The following ARFGEF2 variants were observed in gnomAD, a reference collection of about 807,000 sequenced individuals.
ARFGEF2 encodes ARF guanine nucleotide exchange factor 2, also known as brefeldin A-inhibited guanine nucleotide-exchange protein 2.
ARFGEF2 carries 74 observed loss-of-function variants against 219.9 expected under a neutral mutation model. That is an observed-to-expected ratio of 0.34 (90% CI 0.28 to 0.41). The LOEUF (loss-of-function observed/expected upper bound fraction) is 0.41, where lower values mean the gene tolerates loss of function less well. ARFGEF2 is among the 10% of genes least tolerant of loss of function. The pLI is 1.00. For synonymous variants in ARFGEF2, 733 were observed against 799.2 expected, an observed-to-expected ratio of 0.92 and a Z score of 1.40; for missense variants, 1,743 against 2,218.3, an observed-to-expected ratio of 0.79 and a Z score of 4.30.
Position 49,035,168 on chromosome 20 carries a change from G to T in ARFGEF2, c.*1969G>T, listed in dbSNP as rs144237181. 1.3e-5 allele frequency: 2 copies of T among 152,126 alleles called. No homozygotes were observed. The highest frequency in any genetic ancestry group is 2.9e-5 in the Non-Finnish European group (2 of 68,010). 9.4% of individuals were successfully genotyped at this position (152,126 alleles called of 1,614,324 possible). A position where few individuals can be genotyped will look rare whatever the true frequency, so the allele number is the denominator to read the frequency against. On this transcript the variant is annotated 3_prime_UTR_variant, in exon 39 of 39. Coordinates refer to ENST00000371917, the MANE Select transcript of ARFGEF2 (RefSeq NM_006420.3). ...TGTTCATTCATTAAGTCCATCTTGC[G>T]TGCAGCTATATCCCTGATTGGTTAT... is the stretch of plus-strand genomic sequence containing the variant.
chr20:48,968,377 T>C (rs1025926659), intron 8 of ARFGEF2, among the ~76,000 whole-genome samples: 3 of 152,080 alleles, frequency 2.0e-5, no homozygotes, highest in African/African-American at 7.2e-5. Flanking sequence ...ATACCTATAC[T>C]TTGTTACCCG....
chr20:48,921,773 G>A lies in ARFGEF2; in HGVS notation c.-117G>A. On this transcript the variant is annotated 5_prime_UTR_variant, in exon 1 of 39. Transcript: ENST00000371917. Reference sequence around the variant, plus strand: ...TGGGGCCGAGGTGTCGCTTCCTGACGGGGCGGCGCGGACGGACGCGGCCGG... The same window carrying A: ...TGGGGCCGAGGTGTCGCTTCCTGACAGGGCGGCGCGGACGGACGCGGCCGG... 1 of 1,088,872 alleles carries A rather than the reference G, an allele frequency of 9.2e-7. No individual in the cohort carries two copies. Among genetic ancestry groups the A allele is most frequent in the Non-Finnish European group, 1.1e-6 (1 of 877,012 alleles). 67.5% of individuals were successfully genotyped at this position (1,088,872 alleles called of 1,614,324 possible).
At chr20:48,948,967 A>G (rs2091048194) in intron 3 of ARFGEF2, among the ~76,000 whole-genome samples, 1 of 152,350 alleles carries the variant, frequency 6.6e-6, no homozygotes, top group East Asian at 1.9e-4. Flanking sequence ...CCTGGAGAAT[A>G]TAGACTCTAT....
intron 26 of ARFGEF2, among the ~76,000 whole-genome samples, chr20:49,008,168 A>G (rs1252259447): frequency 6.6e-6 from 1 of 152,250 alleles, no homozygotes; most frequent in Non-Finnish European, 1.5e-5. Flanking sequence ...TATGTCACAG[A>G]AAATAGTTTT....
In ARFGEF2 at chr20:49,036,019, TG is replaced by T. The variant is rs1381992142; in HGVS notation, c.*2821del. 1.0e-5 allele frequency: 4 copies of T among 396,722 alleles called. No homozygotes were observed. The highest frequency in any genetic ancestry group is 1.8e-5 in the Non-Finnish European group (4 of 225,434). The allele number at this position is 396,722 out of a possible 1,614,324, so 24.6% of individuals were successfully genotyped here. The stretch of plus-strand genomic sequence containing the variant: ...AAAAAAAAAAAACCTGTATTTTTTT[TG>T]TTGTTCTTTTGTGATTAAGGATATA... On this transcript the variant is annotated 3_prime_UTR_variant, in exon 39 of 39. Coordinates refer to ENST00000371917, the MANE Select transcript of ARFGEF2 (RefSeq NM_006420.3).
intron 13 of ARFGEF2, among the ~76,000 whole-genome samples, 166 bp downstream of exon 13, chr20:48,975,040 G>A (rs1229174245): frequency 6.6e-6 from 1 of 152,194 alleles, no homozygotes; most frequent in Non-Finnish European, 1.5e-5. Context: ...CTGGAGTTGT[G>A]TGAAGTTATG....
At chr20:48,936,268 G>C (rs866625759) in intron 1 of ARFGEF2, among the ~76,000 whole-genome samples, 355 of 122,088 alleles carry the variant, frequency 2.9e-3, no homozygotes, top group African/African-American at 0.012. Context: ...CCCCACCCCT[G>C]CCGGACGGGG....
At chr20:49,029,406 T>G (rs1326192171) in intron 37 of ARFGEF2, among the ~76,000 whole-genome samples, 1 of 152,204 alleles carries the variant, frequency 6.6e-6, no homozygotes, top group Non-Finnish European at 1.5e-5. Flanking sequence ...TCTCTGTGAC[T>G]CAGTAATTCC....
At chr20:49,018,595 G>A (rs923674837) in intron 33 of ARFGEF2, among the ~76,000 whole-genome samples, 1 of 152,116 alleles carries the variant, frequency 6.6e-6, no homozygotes, top group Admixed American at 6.6e-5. Context: ...GAACTTGCTC[G>A]CATAAAAAAT....
chr20:48,936,245 G>T (rs1406162780), intron 1 of ARFGEF2, among the ~76,000 whole-genome samples: 1 of 147,146 alleles, frequency 6.8e-6, no homozygotes, highest in Non-Finnish European at 1.5e-5. Flanking sequence ...CTGGCCGGGC[G>T]GGGGGCTGAC....
chr20:48,937,552 G>A (rs1013397865), intron 1 of ARFGEF2, among the ~76,000 whole-genome samples: 5 of 152,162 alleles, frequency 3.3e-5, no homozygotes, highest in Admixed American at 6.5e-5. Flanking sequence ...CTGGCCTCAA[G>A]ATTTTTTTTT....
chr20:48,996,067 CA>C, intron 23 of ARFGEF2, among the ~76,000 whole-genome samples, 185 bp downstream of exon 23: 1 of 152,152 alleles, frequency 6.6e-6, no homozygotes, highest in East Asian at 1.9e-4. Context: ...AACATTGTGA[CA>C]AATTATGTCA....
chr20:48,946,477 TTATA>T (rs35152962), intron 3 of ARFGEF2, among the ~76,000 whole-genome samples: 2 of 145,222 alleles, frequency 1.4e-5, no homozygotes, highest in Admixed American at 6.9e-5. Flanking sequence ...CATATCAATT[TTATA>T]TATATATATA....
At chr20:48,959,396 C>T (rs1600610151) in intron 6 of ARFGEF2, among the ~76,000 whole-genome samples, 2 of 130,470 alleles carry the variant, frequency 1.5e-5, no homozygotes, top group South Asian at 4.4e-4. Context: ...TGAACCCTTC[C>T]TTCCCTCCTT....
chr20:49,032,174 C>T lies in ARFGEF2; in HGVS notation c.5181+8C>T, dbSNP rs750230995. 1.9e-6 allele frequency: 3 copies of T among 1,597,764 alleles called. No individual in the cohort carries two copies. Among genetic ancestry groups the T allele is most frequent in the Non-Finnish European group, 2.6e-6 (3 of 1,165,362 alleles). ...AAAATAAATGATGAAAAGGTATGAACAAGTAAACTCTGACCAATTTTCACT... is the reference window on the plus strand; with the variant it reads ...AAAATAAATGATGAAAAGGTATGAATAAGTAAACTCTGACCAATTTTCACT... On this transcript the variant is annotated splice_region_variant and intron_variant, in intron 38 of 38. Transcript: ENST00000371917.
intron 1 of ARFGEF2, among the ~76,000 whole-genome samples, chr20:48,923,307 C>T (rs2090855082): frequency 6.6e-6 from 1 of 152,208 alleles, no homozygotes. Flanking sequence ...AGATTGTTAT[C>T]ACCTTTCTCC....
At chr20:49,004,924 C>T in intron 25 of ARFGEF2, 146 bp from the exon 26 acceptor site, 1 of 908,084 alleles carries the variant, frequency 1.1e-6, no homozygotes, top group Non-Finnish European at 1.8e-6. Context: ...AGATCATAGC[C>T]AAGAAATAGC....
intron 36 of ARFGEF2, 55 bp from the exon 37 acceptor site, chr20:49,028,469 TACACAG>T: frequency 2.0e-6 from 3 of 1,518,782 alleles, no homozygotes; most frequent in Non-Finnish European, 2.7e-6. Flanking sequence ...TTTCTAGTCA[TACACAG>T]TTATCAGCAT....
intron 1 of ARFGEF2, among the ~76,000 whole-genome samples, chr20:48,923,465 A>C (rs2090856261): frequency 6.6e-6 from 1 of 152,326 alleles, no homozygotes; most frequent in South Asian, 2.1e-4. Context: ...CTATTGATGC[A>C]GAGGTGGTAG....
Sources: allele counts gnomAD v4.1 joint callset (sites outside exome capture counted in the v4.1 genomes callset), GRCh38; gene constraint gnomAD v4.1.1; transcripts MANE v1.5; gene names NCBI Gene and HGNC (gene_info 2026-07-23, HGNC 2026-07-21).